WDPCP: variants seen among roughly 807,000 people sequenced by gnomAD.
WDPCP encodes WD repeat-containing and planar cell polarity effector protein fritz homolog.
Under a neutral mutation model 93.1 loss-of-function variants are expected in WDPCP, and 71 were observed. The observed-to-expected ratio is 0.76, with a 90% confidence interval of 0.63 to 0.93. The LOEUF (loss-of-function observed/expected upper bound fraction) is 0.93, where lower values mean the gene tolerates loss of function less well. Among genes scored for constraint, WDPCP ranks in the 40% least tolerant of loss-of-function variants. WDPCP has a pLI of 0.00. For synonymous variants in WDPCP, 315 were observed against 315.0 expected, an observed-to-expected ratio of 1.00 and a Z score of 0.00; for missense variants, 844 against 887.4, an observed-to-expected ratio of 0.95 and a Z score of 0.62.
At chr2:63,441,470 T>C (rs1159221878) in intron 6 of WDPCP, 1 of 152,070 alleles carries the variant, frequency 6.6e-6, no homozygotes, top group Non-Finnish European at 1.5e-5. Context: ...TTTACACCTA[T>C]ACTCTTAAGC....
chr2:63,239,771 T>TGCTACACTTTTA (rs923680401), intron 14 of WDPCP, among the ~76,000 whole-genome samples: 20 of 152,294 alleles, frequency 1.3e-4, no homozygotes, highest in Admixed American at 2.0e-4. Context: ...TTATGCTTTT[T>TGCTACACTTTTA]GCTACACTTT....
chr2:63,512,942 G>C (rs1036713689), intron 1 of WDPCP, among the ~76,000 whole-genome samples: 6 of 150,974 alleles, frequency 4.0e-5, no homozygotes, highest in African/African-American at 1.5e-4. Flanking sequence ...TTCAACACAA[G>C]AACAAAGAAA....
chr2:63,264,047 TC>T (rs556059223), intron 13 of WDPCP, among the ~76,000 whole-genome samples: 8 of 152,058 alleles, frequency 5.3e-5, no homozygotes, highest in African/African-American at 1.9e-4. Context: ...AAAATGTAAA[TC>T]CTTTTTCTTA....
Position 63,174,733 on chromosome 2 carries a change from G to A in WDPCP, c.2015C>T (p.Pro672Leu). 1.2e-6 allele frequency: 2 copies of A among 1,614,016 alleles called. No homozygotes were observed. The highest frequency in any genetic ancestry group is 8.5e-7 in the Non-Finnish European group (1 of 1,179,940). ...ATGTCTGTGGGTTGGGCAAGAGGGAGGGAGGTTATCTGGAAATGAGTCTTC... is the reference window on the plus strand; with the variant it reads ...ATGTCTGTGGGTTGGGCAAGAGGGAAGGAGGTTATCTGGAAATGAGTCTTC... The part of the protein sequence containing the change: ...QGEDSFPDNL[P>L]PSCPTHRHIL... Residue 672 changes from proline (P) to leucine (L), a missense_variant, in exon 15 of 18, where the codon CCT becomes CTT. Pro to Leu is a moderately conservative substitution (Grantham distance 98). Transcript: ENST00000272321.
intron 2 of WDPCP, among the ~76,000 whole-genome samples, chr2:63,736,509 T>A (rs1669642165): frequency 6.6e-6 from 1 of 152,226 alleles, no homozygotes; most frequent in South Asian, 2.1e-4. Context: ...ACCAAACTTT[T>A]TTTTATTGAG....
At chr2:63,770,937 T>C (rs905141047) in intron 2 of WDPCP, among the ~76,000 whole-genome samples, 15 of 151,948 alleles carry the variant, frequency 9.9e-5, no homozygotes, top group Admixed American at 7.2e-4. Flanking sequence ...GAGATAAACA[T>C]TTTATCTCTA....
intron 1 of WDPCP, among the ~76,000 whole-genome samples, chr2:63,572,043 C>T (rs1030366221): frequency 6.6e-6 from 1 of 152,116 alleles, no homozygotes; most frequent in Non-Finnish European, 1.5e-5. Flanking sequence ...AGAAATCAGG[C>T]AAATCACAGA....
chr2:63,315,145 A>G (rs914071709), intron 12 of WDPCP, among the ~76,000 whole-genome samples: 12 of 152,240 alleles, frequency 7.9e-5, no homozygotes, highest in Admixed American at 4.6e-4. Context: ...CCATAAAAAA[A>G]TAACCAATTA....
chr2:63,319,370 G>A (rs938479415), intron 12 of WDPCP, among the ~76,000 whole-genome samples: 3 of 151,972 alleles, frequency 2.0e-5, no homozygotes, highest in African/African-American at 7.3e-5. Context: ...AATAAAATAG[G>A]CTCAAAAATG....
chr2:63,130,080 T>C (rs528471155), intron 17 of WDPCP, among the ~76,000 whole-genome samples: 3 of 152,280 alleles, frequency 2.0e-5, no homozygotes, highest in Non-Finnish European at 4.4e-5. Context: ...ACTCTGTTGA[T>C]AGTATCCTTT....
In WDPCP at chr2:63,138,358, T is replaced by C. The variant is rs565638801; in HGVS notation, c.2190+14556A>G. 2.5e-3 allele frequency among the ~76,000 whole-genome samples: 381 copies of C among 152,238 alleles called. 3 individuals are homozygous for C. Among genetic ancestry groups the C allele is most frequent in the Non-Finnish European group, 3.0e-3 (201 of 68,026 alleles). ...TACCAGTGCCCATTTCCTTGCAACC[T>C]TGGCAACGCCAGATATTGCTATTTT... On this transcript the variant is annotated intron_variant, in intron 17 of 17. Transcript: ENST00000272321.
At chr2:63,164,830 T>A (rs1255256955) in intron 15 of WDPCP, among the ~76,000 whole-genome samples, 1 of 152,172 alleles carries the variant, frequency 6.6e-6, no homozygotes, top group East Asian at 1.9e-4. Flanking sequence ...GTTAAATTGA[T>A]ATTAAAACAA....
At chr2:63,375,519 T>A (rs932355690) in intron 12 of WDPCP, among the ~76,000 whole-genome samples, 2 of 151,928 alleles carry the variant, frequency 1.3e-5, no homozygotes, top group African/African-American at 4.8e-5. Context: ...CATTTCTTTA[T>A]GAAAATTGAT....
chr2:63,753,576 G>A (rs1367178354), intron 2 of WDPCP, among the ~76,000 whole-genome samples: 1 of 152,220 alleles, frequency 6.6e-6, no homozygotes, highest in Admixed American at 6.5e-5. Context: ...ATGGCAGAAG[G>A]CAAAGGGGAA....
intron 12 of WDPCP, among the ~76,000 whole-genome samples, chr2:63,360,872 C>G (rs1690394158): frequency 6.6e-6 from 1 of 152,156 alleles, no homozygotes; most frequent in Non-Finnish European, 1.5e-5. Flanking sequence ...TTTTACTGAG[C>G]AAAACTATCA....
chr2:63,491,689 T>C (rs1700888237), intron 2 of WDPCP, among the ~76,000 whole-genome samples: 1 of 152,176 alleles, frequency 6.6e-6, no homozygotes, highest in South Asian at 2.1e-4. Flanking sequence ...CTTAATTAAA[T>C]ATTTCCACAG....
chr2:63,406,128 G>A (rs1694564659), intron 9 of WDPCP, among the ~76,000 whole-genome samples: 1 of 152,006 alleles, frequency 6.6e-6, no homozygotes, highest in African/African-American at 2.4e-5. Flanking sequence ...GTGTGGCAGA[G>A]TGCTGGATTG....
intron 2 of WDPCP, among the ~76,000 whole-genome samples, chr2:63,776,428 G>A (rs1670303719): frequency 6.6e-6 from 1 of 152,048 alleles, no homozygotes; most frequent in Non-Finnish European, 1.5e-5. Flanking sequence ...GCTAAGGTAG[G>A]CAGGTTGTTT....
intron 1 of WDPCP, among the ~76,000 whole-genome samples, chr2:63,573,540 T>A (rs2106487221): frequency 6.6e-6 from 1 of 152,318 alleles, no homozygotes; most frequent in South Asian, 2.1e-4. Flanking sequence ...TTTACTTTAA[T>A]CTCTTAATTC....
Sources: gnomAD v4.1 joint callset for allele counts (sites outside exome capture counted in the v4.1 genomes callset) on GRCh38, gnomAD v4.1.1 for gene constraint, MANE v1.5 for transcripts, NCBI Gene and HGNC (gene_info 2026-07-23, HGNC 2026-07-21) for gene names.